Variants in COL24A1 observed in about 807,000 individuals in gnomAD.
The protein encoded by COL24A1 is collagen type XXIV alpha 1 chain, also known as collagen alpha-1(XXIV) chain.
Under a neutral mutation model 253.9 loss-of-function variants are expected in COL24A1, and 224 were observed. The observed-to-expected ratio is 0.88, with a 90% CI of 0.79 to 0.99. The LOEUF is 0.99. COL24A1 is among the 50% of genes least tolerant of loss of function. COL24A1 has a pLI of 0.00. For missense variants in COL24A1, 2,131 were observed against 2,068.5 expected (o/e 1.03, Z -0.59); for synonymous variants, 685 against 673.7 (o/e 1.02, Z -0.26).
intron 8 of COL24A1, among the ~76,000 whole-genome samples, chr1:86,061,226 G>A (rs975070077): frequency 6.6e-6 from 1 of 152,004 alleles, no homozygotes; most frequent in Non-Finnish European, 1.5e-5. Flanking sequence ...CTAATTATGA[G>A]ATTTGCTCTA....
chr1:85,980,677 G>A (rs549864076), intron 20 of COL24A1, among the ~76,000 whole-genome samples: 2 of 152,304 alleles, frequency 1.3e-5, no homozygotes, highest in African/African-American at 4.8e-5. Context: ...GGGAGGCCAA[G>A]GCAGGCGGAT....
chr1:85,744,955 G>A, intron 56 of COL24A1, 121 bp from the exon 57 acceptor site: 1 of 696,040 alleles, frequency 1.4e-6, no homozygotes, highest in Middle Eastern at 2.9e-4. Flanking sequence ...GTAAAGAACA[G>A]TTTATATTTA....
chr1:86,095,453 C>T (rs1414642098), intron 5 of COL24A1, among the ~76,000 whole-genome samples: 1 of 152,000 alleles, frequency 6.6e-6, no homozygotes, highest in African/African-American at 2.4e-5. Context: ...CTTAACTTGG[C>T]TAGTTGTGGG....
At chr1:86,121,093 A>G (rs1647268525) in intron 3 of COL24A1, among the ~76,000 whole-genome samples, 1 of 152,212 alleles carries the variant, frequency 6.6e-6, no homozygotes, top group Non-Finnish European at 1.5e-5. Context: ...TTGAAGAATG[A>G]GAACACTTGG....
At position 85,823,522 on chromosome 1, in the gene COL24A1, TA is replaced by T. The variant is rs754582835; in HGVS notation, c.3789+13del. 9 of 1,613,468 alleles carry T rather than the reference TA, an allele frequency of 5.6e-6. No individual in the cohort carries two copies. The South Asian group carries it at 8.8e-5, about 16-fold the overall frequency. The stretch of plus-strand genomic sequence containing the variant: ...ACAATACATCTCAAATTGCCTTAAA[TA>T]ATTTCAACTTACTTCAGATCCTCTC... On this transcript the variant is annotated intron_variant, in intron 45 of 59. Transcript: ENST00000370571.
chr1:85,938,746 G>A (rs1026084797), intron 24 of COL24A1, among the ~76,000 whole-genome samples: 2 of 130,604 alleles, frequency 1.5e-5, no homozygotes, highest in Non-Finnish European at 3.4e-5. Flanking sequence ...GTTTGCCTTA[G>A]TTCCAGAGAG....
chr1:86,017,187 T>C lies in COL24A1; in HGVS notation c.2274A>G (p.Pro758=), dbSNP rs759880600. ...KSGPSGQTGD[P]GLQGPSGPPG... Reference sequence around the variant, plus strand: ...GAGGGCCAGATGGTCCTTGGAGTCCTGGGTCACCTGTTTGGCCCTAAAATG... The same window carrying C: ...GAGGGCCAGATGGTCCTTGGAGTCCCGGGTCACCTGTTTGGCCCTAAAATG... The change falls in exon 19 of 60, where the codon CCA becomes CCG. Residue 758 remains proline (P), a synonymous_variant. Coordinates refer to ENST00000370571, the MANE Select transcript of COL24A1 (RefSeq NM_152890.7). The C allele has an allele frequency of 6.4e-7, 1 of 1,573,810 alleles. No homozygotes were observed. Among genetic ancestry groups the C allele is most frequent in the South Asian group, 1.2e-5 (1 of 85,084 alleles).
At chr1:85,828,176 T>G (rs1674658107) in intron 43 of COL24A1, among the ~76,000 whole-genome samples, 1 of 152,104 alleles carries the variant, frequency 6.6e-6, no homozygotes, top group African/African-American at 2.4e-5. Context: ...CATTTCGTTA[T>G]GTACCCAGTA....
At chr1:86,023,080 T>C (rs1697704416) in intron 14 of COL24A1, 73 bp from the exon 15 acceptor site, 1 of 1,445,120 alleles carries the variant, frequency 6.9e-7, no homozygotes. Flanking sequence ...GCAGAATTAA[T>C]AAATTAATGA....
In COL24A1 at chr1:85,768,551, C is replaced by T. The variant is rs1418453504; in HGVS notation, c.4375-6985G>A. 3.6e-5 allele frequency among the ~76,000 whole-genome samples: 5 copies of T among 140,530 alleles called. No homozygotes were observed. In the South Asian group the frequency reaches 7.0e-4, roughly 20 times the overall value. 92.2% of individuals were successfully genotyped at this position (140,530 alleles called of 152,430 possible). A position where few individuals can be genotyped will look rare whatever the true frequency, so the allele number is the denominator to read the frequency against. ...CTGATGGGAATTAATCTCTAAAGAACTCTTTATGTTCTATGGCTTTGTTAG... is the reference window on the plus strand; with the variant it reads ...CTGATGGGAATTAATCTCTAAAGAATTCTTTATGTTCTATGGCTTTGTTAG... On this transcript the variant is annotated intron_variant, in intron 53 of 59. Coordinates refer to ENST00000370571, the MANE Select transcript of COL24A1 (RefSeq NM_152890.7).
At chr1:86,124,180 A>G (rs551701003) in intron 3 of COL24A1, among the ~76,000 whole-genome samples, 2 of 151,776 alleles carry the variant, frequency 1.3e-5, no homozygotes, top group African/African-American at 4.8e-5. Flanking sequence ...TCAGTTTATT[A>G]TCTCACAGTT....
intron 47 of COL24A1, among the ~76,000 whole-genome samples, chr1:85,816,288 C>T (rs1673031370): frequency 6.6e-6 from 1 of 152,130 alleles, no homozygotes; most frequent in South Asian, 2.1e-4. Flanking sequence ...AAGAATTACA[C>T]ATCAGAAGAG....
At chr1:86,140,059 T>A (rs914559336) in intron 2 of COL24A1, among the ~76,000 whole-genome samples, 5 of 152,230 alleles carry the variant, frequency 3.3e-5, no homozygotes, top group Non-Finnish European at 7.3e-5. Context: ...AAGAAAAGGA[T>A]CTGGAGTATT....
chr1:86,054,500 C>T (rs1700533154), intron 10 of COL24A1, among the ~76,000 whole-genome samples: 2 of 152,014 alleles, frequency 1.3e-5, no homozygotes, highest in Admixed American at 6.6e-5. Flanking sequence ...TGAATAGACA[C>T]TTCTCAAAAG....
chr1:85,986,152 T>A (rs1383356587), intron 20 of COL24A1, among the ~76,000 whole-genome samples: 3 of 151,828 alleles, frequency 2.0e-5, no homozygotes, highest in Non-Finnish European at 3.0e-5. Context: ...TTATTAAGGT[T>A]TTCCTGAATA....
intron 31 of COL24A1, among the ~76,000 whole-genome samples, chr1:85,893,498 T>A (rs1454814382): frequency 2.0e-5 from 3 of 152,048 alleles, no homozygotes; most frequent in African/African-American, 7.2e-5. Flanking sequence ...CAGTAACGTA[T>A]GAGTTATGAT....
chr1:85,807,822 G>A (rs925632157), intron 47 of COL24A1, among the ~76,000 whole-genome samples: 2 of 152,148 alleles, frequency 1.3e-5, no homozygotes, highest in African/African-American at 4.8e-5. Flanking sequence ...CTAGGTGACT[G>A]AACACTGGGA....
In COL24A1 at chr1:86,124,275, C is replaced by A. The variant is rs143400737; in HGVS notation, c.1491+570G>T. Among the ~76,000 whole-genome samples, 63 of 151,844 alleles carry A rather than the reference C, an allele frequency of 4.1e-4. 2 individuals are homozygous for A. The highest frequency in any genetic ancestry group is 1.3e-3 in the African/African-American group (53 of 41,482). On this transcript the variant is annotated intron_variant, in intron 3 of 59. Coordinates refer to ENST00000370571, the MANE Select transcript of COL24A1 (RefSeq NM_152890.7). ...GATAACTGGTTCTTTTTGTGTTAGG[C>A]AAGGGGAGCTTTAATTAACCCATAA... is the stretch of plus-strand genomic sequence containing the variant.
At chr1:85,872,636 T>C (rs538752844) in intron 35 of COL24A1, among the ~76,000 whole-genome samples, 1 of 152,312 alleles carries the variant, frequency 6.6e-6, no homozygotes, top group South Asian at 2.1e-4. Context: ...GCTAGCCATA[T>C]GTAGAAAGCT....
Sources: allele counts gnomAD v4.1 joint callset (sites outside exome capture counted in the v4.1 genomes callset), GRCh38; gene constraint gnomAD v4.1.1; transcripts MANE v1.5; gene names NCBI Gene and HGNC (gene_info 2026-07-23, HGNC 2026-07-21).